NPAS3: variants seen among roughly 807,000 people sequenced by gnomAD.
NPAS3 encodes the protein neuronal PAS domain protein 3.
In NPAS3, 14 loss-of-function variants were observed where a neutral mutation model predicts 73.1. That is an observed-to-expected ratio of 0.19 (90% CI 0.13 to 0.30). The LOEUF (loss-of-function observed/expected upper bound fraction) is 0.30, where lower values mean the gene tolerates loss of function less well. Among genes scored for constraint, NPAS3 ranks in the 10% least tolerant of loss-of-function variants. NPAS3 has a pLI of 1.00. For synonymous variants in NPAS3, 620 were observed against 541.5 expected, an observed-to-expected ratio of 1.14 and a Z score of -2.01; for missense variants, 1,096 against 1,250.0, an observed-to-expected ratio of 0.88 and a Z score of 1.86.
chr14:33,307,593 ATG>A (rs10528551), intron 3 of NPAS3, among the ~76,000 whole-genome samples: 11 of 139,014 alleles, frequency 7.9e-5, no homozygotes, highest in Non-Finnish European at 1.4e-4. Context: ...TTTTTTTTCA[ATG>A]TGTGTGTGTG....
intron 1 of NPAS3, among the ~76,000 whole-genome samples, chr14:33,047,544 A>C (rs1284165622): frequency 6.6e-6 from 1 of 152,216 alleles, no homozygotes; most frequent in Non-Finnish European, 1.5e-5. Context: ...GTAAGGTGAA[A>C]AGCAGACAGT....
chr14:33,265,123 A>G (rs1475831632), intron 3 of NPAS3, among the ~76,000 whole-genome samples: 1 of 152,186 alleles, frequency 6.6e-6, no homozygotes, highest in Non-Finnish European at 1.5e-5. Context: ...CCTCGTGTTA[A>G]TTCAAGGCAG....
chr14:33,316,147 A>T (rs932447129), intron 3 of NPAS3, among the ~76,000 whole-genome samples: 3 of 152,110 alleles, frequency 2.0e-5, no homozygotes, highest in Non-Finnish European at 2.9e-5. Context: ...CTCAGAGAAA[A>T]TGGAGCTCAC....
chr14:33,478,341 G>C (rs2051145531), intron 4 of NPAS3, among the ~76,000 whole-genome samples: 1 of 152,192 alleles, frequency 6.6e-6, no homozygotes, highest in South Asian at 2.1e-4. Flanking sequence ...CACATAAAAT[G>C]CTACAATGCA....
Position 33,371,993 on chromosome 14 carries a change from C to A in NPAS3, c.468+4725C>A, listed in dbSNP as rs554673308. On this transcript the variant is annotated intron_variant, in intron 4 of 11. Transcript: ENST00000356141. Reference sequence around the variant, plus strand: ...GTTGAATTTGAACCCAGGATGGTAACACTAGGGTCATAGCACTGCAAAAAA... The same window carrying A: ...GTTGAATTTGAACCCAGGATGGTAAAACTAGGGTCATAGCACTGCAAAAAA... Among the ~76,000 whole-genome samples, 490 of 152,242 alleles carry A rather than the reference C, an allele frequency of 3.2e-3. 4 individuals are homozygous for A. Among genetic ancestry groups the A allele is most frequent in the Non-Finnish European group, 5.4e-3 (364 of 68,010 alleles).
At chr14:33,428,698 C>T (rs774238708) in intron 4 of NPAS3, among the ~76,000 whole-genome samples, 16 of 152,226 alleles carry the variant, frequency 1.1e-4, no homozygotes, top group South Asian at 4.1e-4. Context: ...TAAGGGTGGA[C>T]GTCAGATCAT....
intron 3 of NPAS3, among the ~76,000 whole-genome samples, chr14:33,289,133 C>T (rs184332339): frequency 1.3e-3 from 194 of 152,266 alleles, no homozygotes; most frequent in Non-Finnish European, 2.1e-3. Context: ...GATTAGTGTA[C>T]TTAATCCTTA....
chr14:32,938,070 T>C (rs2035756210), upstream of NPAS3, among the ~76,000 whole-genome samples: 1 of 151,996 alleles, frequency 6.6e-6, no homozygotes, highest in Non-Finnish European at 1.5e-5. Flanking sequence ...GGGGCTTCTG[T>C]ATGTGAGTTT....
intron 1 of NPAS3, among the ~76,000 whole-genome samples, chr14:32,981,230 T>C (rs997534915): frequency 7.9e-5 from 12 of 152,222 alleles, no homozygotes; most frequent in Non-Finnish European, 1.2e-4. Context: ...TTTAGGAATT[T>C]AGATTTTAAC....
At chr14:33,621,072 T>G (rs1177477247) in intron 5 of NPAS3, among the ~76,000 whole-genome samples, 2 of 152,262 alleles carry the variant, frequency 1.3e-5, no homozygotes, top group Non-Finnish European at 2.9e-5. Flanking sequence ...TTAAAGTTAT[T>G]TAAGACTTAG....
At chr14:33,782,503 A>G (rs1259754065) in intron 9 of NPAS3, among the ~76,000 whole-genome samples, 3 of 152,182 alleles carry the variant, frequency 2.0e-5, no homozygotes, top group Admixed American at 1.3e-4. Flanking sequence ...TTGTCTCGAG[A>G]TATCCCTAGG....
chr14:33,234,586 TAGAG>T (rs1195967470), intron 3 of NPAS3, among the ~76,000 whole-genome samples: 1 of 152,092 alleles, frequency 6.6e-6, no homozygotes, highest in Non-Finnish European at 1.5e-5. Context: ...GAAATGAAAT[TAGAG>T]AGAGTTGGTG....
chr14:33,625,890 T>C (rs1351684122), intron 5 of NPAS3, among the ~76,000 whole-genome samples: 3 of 152,214 alleles, frequency 2.0e-5, no homozygotes, highest in African/African-American at 7.2e-5. Context: ...TTTATAAAAG[T>C]AAACTTTATT....
At chr14:33,767,517 C>T (rs1022059649) in intron 7 of NPAS3, among the ~76,000 whole-genome samples, 2 of 150,488 alleles carry the variant, frequency 1.3e-5, no homozygotes, top group Non-Finnish European at 2.9e-5. Context: ...CAGAAGGAAG[C>T]TTAATTTTTA....
At chr14:33,322,413 C>T (rs1331991692) in intron 3 of NPAS3, among the ~76,000 whole-genome samples, 1 of 152,036 alleles carries the variant, frequency 6.6e-6, no homozygotes, top group Non-Finnish European at 1.5e-5. Context: ...TCTACTTTTG[C>T]ATTCCTGAGC....
At chr14:32,961,689 C>G (rs2036927289) in intron 1 of NPAS3, among the ~76,000 whole-genome samples, 2 of 152,144 alleles carry the variant, frequency 1.3e-5, no homozygotes, top group Admixed American at 1.3e-4. Flanking sequence ...TTGTCTCAGT[C>G]ACCATGCTGA....
chr14:33,276,649 A>G (rs1473690848), intron 3 of NPAS3, among the ~76,000 whole-genome samples: 1 of 152,054 alleles, frequency 6.6e-6, no homozygotes, highest in Non-Finnish European at 1.5e-5. Flanking sequence ...CCTTTGTAAA[A>G]TGAGTGTAAT....
intron 1 of NPAS3, among the ~76,000 whole-genome samples, chr14:33,026,907 A>G (rs1031597644): frequency 2.0e-5 from 3 of 151,842 alleles, no homozygotes; most frequent in Admixed American, 2.0e-4. Context: ...CCCCTGTTAC[A>G]TTGAAGCTAT....
intron 1 of NPAS3, among the ~76,000 whole-genome samples, chr14:32,983,089 T>A (rs918807996): frequency 3.3e-5 from 5 of 152,178 alleles, no homozygotes; most frequent in Non-Finnish European, 5.9e-5. Flanking sequence ...AAACTGTAGA[T>A]GTTTGAGTAG....
Sources: gnomAD v4.1 joint callset for allele counts (sites outside exome capture counted in the v4.1 genomes callset) on GRCh38, gnomAD v4.1.1 for gene constraint, MANE v1.5 for transcripts, NCBI Gene and HGNC (gene_info 2026-07-23, HGNC 2026-07-21) for gene names.